The following CPA6 variants were observed in gnomAD, a reference collection of about 807,000 sequenced individuals.
CPA6 encodes the protein carboxypeptidase A6.
Under a neutral mutation model 63.3 loss-of-function variants are expected in CPA6, and 58 were observed. That is an observed-to-expected ratio of 0.92 (90% confidence interval 0.74 to 1.14). The LOEUF (loss-of-function observed/expected upper bound fraction) is 1.14, where lower values mean the gene tolerates loss of function less well. Ranked by LOEUF, CPA6 falls within the 50% of genes most tolerant of loss-of-function variation. The pLI is 0.00. For missense variants in CPA6, 565 were observed against 526.6 expected, an observed-to-expected ratio of 1.07 and a Z score of -0.71; for synonymous variants, 185 against 179.0, an observed-to-expected ratio of 1.03 and a Z score of -0.27.
intron 2 of CPA6, among the ~76,000 whole-genome samples, chr8:67,610,021 C>CAACAAAACAAAACAAAACAA (rs112893898): frequency 5.4e-5 from 8 of 149,062 alleles, no homozygotes; most frequent in African/African-American, 1.7e-4. Flanking sequence ...GACTCCGTCT[C>CAACAAAACAAAACAAAACAA]AACAAAACAA....
chr8:67,457,668 A>C (rs1810706289), intron 8 of CPA6, among the ~76,000 whole-genome samples: 1 of 151,290 alleles, frequency 6.6e-6, no homozygotes, highest in South Asian at 2.1e-4. Flanking sequence ...TTCTATAACC[A>C]AAATAGATCA....
At chr8:67,505,177 A>G (rs1299972473) in intron 6 of CPA6, among the ~76,000 whole-genome samples, 1 of 152,206 alleles carries the variant, frequency 6.6e-6, no homozygotes, top group Non-Finnish European at 1.5e-5. Flanking sequence ...TTGACAAGTC[A>G]TCATCCAGAA....
rs557484114 is a variant in CPA6, at chr8:67,613,180, ATGATACCTGTTTGC to A, written c.192+10982_192+10995del. Among the ~76,000 whole-genome samples the A allele has an allele frequency of 6.6e-5, 10 of 152,344 alleles. No homozygotes were observed. In the East Asian group the frequency reaches 1.9e-3, roughly 29 times the overall value. ...CCTACCTCATACCCTTGCCTATTTC[ATGATACCTGTTTGC>A]TCCATCATTTTACAACAGTTTTTAT... is the stretch of plus-strand genomic sequence containing the variant. On this transcript the variant is annotated intron_variant, in intron 2 of 10. Coordinates refer to ENST00000297770, the MANE Select transcript of CPA6 (RefSeq NM_020361.5).
chr8:67,550,140 AC>A (rs1402733253), intron 2 of CPA6, among the ~76,000 whole-genome samples: 1 of 152,104 alleles, frequency 6.6e-6, no homozygotes, highest in Non-Finnish European at 1.5e-5. Flanking sequence ...TGATCCCATC[AC>A]CCAGGTACTG....
chr8:67,655,279 AG>A (rs1456397398), intron 1 of CPA6, among the ~76,000 whole-genome samples: 7 of 152,162 alleles, frequency 4.6e-5, no homozygotes, highest in African/African-American at 1.7e-4. Context: ...AGCATATGCA[AG>A]TCTTTTGGCT....
At chr8:67,578,688 C>T (rs1813689018) in intron 2 of CPA6, among the ~76,000 whole-genome samples, 1 of 152,120 alleles carries the variant, frequency 6.6e-6, no homozygotes, top group Non-Finnish European at 1.5e-5. Context: ...GTTCCAGTTA[C>T]TTGCATTTTC....
At chr8:67,711,047 C>T (rs976883855) in intron 1 of CPA6, among the ~76,000 whole-genome samples, 1 of 152,116 alleles carries the variant, frequency 6.6e-6, no homozygotes, top group East Asian at 1.9e-4. Context: ...TCCAAAGTGC[C>T]TGGTTTGAGT....
At chr8:67,627,322 T>C (rs1195176762) in intron 1 of CPA6, among the ~76,000 whole-genome samples, 1 of 152,156 alleles carries the variant, frequency 6.6e-6, no homozygotes, top group African/African-American at 2.4e-5. Context: ...GGTGAGTAAT[T>C]TGGTGCTAGA....
intron 1 of CPA6, among the ~76,000 whole-genome samples, chr8:67,671,063 T>C (rs941920834): frequency 1.6e-4 from 24 of 152,168 alleles, no homozygotes; most frequent in African/African-American, 5.6e-4. Flanking sequence ...TGATGGAAAA[T>C]AGTATTTTTC....
At chr8:67,543,063 G>C (rs577894539) in intron 2 of CPA6, among the ~76,000 whole-genome samples, 4 of 151,984 alleles carry the variant, frequency 2.6e-5, no homozygotes, top group African/African-American at 7.3e-5. Flanking sequence ...ATTTCTTCTT[G>C]TTGTTGTTGT....
intron 1 of CPA6, among the ~76,000 whole-genome samples, chr8:67,741,267 G>A (rs73254286): frequency 0.031 from 4,683 of 152,280 alleles, 131 homozygotes; most frequent in African/African-American, 0.069. Flanking sequence ...GTCCCAAGAA[G>A]CAGCCATGAT....
chr8:67,672,560 C>G (rs1337491768), intron 1 of CPA6, among the ~76,000 whole-genome samples: 1 of 152,200 alleles, frequency 6.6e-6, no homozygotes, highest in Non-Finnish European at 1.5e-5. Flanking sequence ...CAAATCCAAC[C>G]ATGTCTCTCC....
chr8:67,428,757 A>T (rs1254293498), intron 9 of CPA6, among the ~76,000 whole-genome samples: 1 of 152,194 alleles, frequency 6.6e-6, no homozygotes, highest in Non-Finnish European at 1.5e-5. Context: ...TGCTGGTACT[A>T]CAGACATGAG....
intron 2 of CPA6, among the ~76,000 whole-genome samples, chr8:67,561,274 T>C (rs1813205681): frequency 6.6e-6 from 1 of 152,132 alleles, no homozygotes; most frequent in Non-Finnish European, 1.5e-5. Context: ...GGACAAAATA[T>C]GGTTTCAAAG....
intron 2 of CPA6, among the ~76,000 whole-genome samples, chr8:67,599,646 G>T (rs1163684127): frequency 6.6e-6 from 1 of 152,202 alleles, no homozygotes; most frequent in Admixed American, 6.5e-5. Context: ...TGCTGATTTG[G>T]TAAGAATTTG....
At chr8:67,689,246 G>A (rs1587703918) in intron 1 of CPA6, among the ~76,000 whole-genome samples, 2 of 150,162 alleles carry the variant, frequency 1.3e-5, no homozygotes, top group African/African-American at 5.0e-5. Flanking sequence ...ACACACCCAC[G>A]TAGAACTTCA....
chr8:67,653,533 G>A (rs1315843864), intron 1 of CPA6, among the ~76,000 whole-genome samples: 1 of 151,452 alleles, frequency 6.6e-6, no homozygotes, highest in Non-Finnish European at 1.5e-5. Flanking sequence ...TCATGATTTG[G>A]CTCTCTGTTT....
chr8:67,650,791 TTG>T (rs1249349089), intron 1 of CPA6, among the ~76,000 whole-genome samples: 4 of 152,120 alleles, frequency 2.6e-5, no homozygotes, highest in African/African-American at 7.2e-5. Context: ...TCTTGTCGGA[TTG>T]TCTTTCACAA....
intron 8 of CPA6, among the ~76,000 whole-genome samples, chr8:67,473,985 T>C (rs1811119959): frequency 6.6e-6 from 1 of 152,030 alleles, no homozygotes; most frequent in South Asian, 2.1e-4. Context: ...GGCTACTGTC[T>C]CTTCCAAGAC....
Sources: gnomAD v4.1 joint callset for allele counts (sites outside exome capture counted in the v4.1 genomes callset) on GRCh38, gnomAD v4.1.1 for gene constraint, MANE v1.5 for transcripts, NCBI Gene and HGNC (gene_info 2026-07-23, HGNC 2026-07-21) for gene names.